The following IMPG1 variants were observed in gnomAD, a reference collection of about 807,000 sequenced individuals.
IMPG1 encodes interphotoreceptor matrix proteoglycan of 150 kDa.
IMPG1 carries 85 observed loss-of-function variants against 92.0 expected under a neutral mutation model. The ratio of observed to expected loss-of-function variants is 0.92; its 90% CI spans 0.78 to 1.11. The LOEUF is 1.11. Among genes scored for constraint, IMPG1 ranks in the 50% least tolerant of loss-of-function variants. IMPG1 has a pLI of 0.00. For synonymous variants in IMPG1, 367 were observed against 334.1 expected (o/e 1.10, Z -1.08); for missense variants, 1,022 against 956.0 (o/e 1.07, Z -0.91).
At chr6:76,030,450 CT>C (rs1162844817) in intron 4 of IMPG1, among the ~76,000 whole-genome samples, 2 of 152,114 alleles carry the variant, frequency 1.3e-5, no homozygotes, top group African/African-American at 2.4e-5. Context: ...TCCTGAACCC[CT>C]GGGAATCCTT....
At chr6:75,947,847 G>T (rs1003580360) in intron 13 of IMPG1, among the ~76,000 whole-genome samples, 3 of 135,586 alleles carry the variant, frequency 2.2e-5, no homozygotes, top group Non-Finnish European at 3.2e-5. Flanking sequence ...GGAATGCCAA[G>T]TTCAGTTATT....
In IMPG1 at chr6:75,966,050, A is replaced by G. The variant is rs1782304409; in HGVS notation, c.1292-14956T>C. On this transcript the variant is annotated intron_variant, in intron 12 of 16. Coordinates refer to ENST00000369950, the MANE Select transcript of IMPG1 (RefSeq NM_001563.4). ...CGTCTAGGATATACGAGACAAAAAT[A>G]AAACTCAGGAAACTCACTATCATGT... Among the ~76,000 whole-genome samples the G allele has an allele frequency of 1.3e-5, 2 of 152,208 alleles. 1 individual carries two copies. Among genetic ancestry groups the G allele is most frequent in the African/African-American group, 4.8e-5 (2 of 41,460 alleles).
chr6:76,021,585 T>G (rs1783425078), intron 6 of IMPG1, among the ~76,000 whole-genome samples: 1 of 151,940 alleles, frequency 6.6e-6, no homozygotes, highest in African/African-American at 2.4e-5. Flanking sequence ...CCTCTTTGCC[T>G]TAGAACACTG....
In IMPG1 at chr6:75,931,010, AG is replaced by A. The variant is rs1162854067; in HGVS notation, c.2185del (p.Leu729SerfsTer45). The A allele has an allele frequency of 6.8e-6, 11 of 1,614,100 alleles. No homozygotes were observed. Among genetic ancestry groups the A allele is most frequent in the Non-Finnish European group, 9.3e-6 (11 of 1,180,046 alleles). On this transcript the variant is annotated frameshift_variant, in exon 15 of 17. Transcript: ENST00000369950. LOFTEE classifies it high-confidence loss of function. ...QGSLDGLEPG[L>X]CGPGTKECEV... is the part of the protein sequence containing the mutation. ...GCATTCCTTTGTGCCAGGGCCACAG[AG>A]GCCTGGTTCCAGACCGTCCAGGCTC...
intron 1 of IMPG1, among the ~76,000 whole-genome samples, chr6:76,057,814 T>A (rs983094608): frequency 1.3e-5 from 2 of 152,112 alleles, no homozygotes; most frequent in East Asian, 1.9e-4. Flanking sequence ...AAAATTGAGA[T>A]CATATTGTTT....
At chr6:75,999,755 A>T (rs750233734) in intron 12 of IMPG1, among the ~76,000 whole-genome samples, 7 of 152,228 alleles carry the variant, frequency 4.6e-5, no homozygotes, top group Non-Finnish European at 5.9e-5. Flanking sequence ...GTCAGCAAAT[A>T]TAACTCTTCT....
At chr6:75,924,470 T>C (rs1442985421) in intron 15 of IMPG1, among the ~76,000 whole-genome samples, 1 of 103,908 alleles carries the variant, frequency 9.6e-6, no homozygotes, top group African/African-American at 3.9e-5. Context: ...ATAATATAAA[T>C]ATAATTATAT....
intron 6 of IMPG1, among the ~76,000 whole-genome samples, chr6:76,019,422 GT>G (rs1378160123): frequency 6.6e-6 from 1 of 152,170 alleles, no homozygotes; most frequent in Non-Finnish European, 1.5e-5. Context: ...AATATCTCTG[GT>G]TACGTACATG....
rs2149482319 is a variant in IMPG1, at chr6:76,018,713, C to T, written c.807+5G>A. On this transcript the variant is annotated splice_donor_5th_base_variant and intron_variant, in intron 7 of 16. Transcript: ENST00000369950. ...GGTGTGGTTGTATGGGCCGGGTCTA[C>T]TCACCTGAAGTTGGGACTTTCCTGC... The T allele has an allele frequency of 6.2e-7, 1 of 1,612,734 alleles. No individual in the cohort carries two copies. Among genetic ancestry groups the T allele is most frequent in the South Asian group, 1.1e-5 (1 of 90,784 alleles).
intron 14 of IMPG1, among the ~76,000 whole-genome samples, chr6:75,937,983 T>C (rs1305643367): frequency 6.6e-6 from 1 of 152,246 alleles, no homozygotes; most frequent in South Asian, 2.1e-4. Flanking sequence ...GCAGCCTAAA[T>C]GAAAGACGAC....
chr6:75,997,829 G>C (rs1782927262), intron 12 of IMPG1, among the ~76,000 whole-genome samples: 1 of 152,208 alleles, frequency 6.6e-6, no homozygotes, highest in African/African-American at 2.4e-5. Flanking sequence ...AGGGATTCCA[G>C]ACATGCATAG....
At chr6:75,992,270 T>C (rs1328255143) in intron 12 of IMPG1, among the ~76,000 whole-genome samples, 4 of 152,220 alleles carry the variant, frequency 2.6e-5, no homozygotes, top group Middle Eastern at 3.2e-3. Flanking sequence ...TCCACAATAA[T>C]ATGAGCCAGC....
chr6:75,992,833 C>G (rs768633845), intron 12 of IMPG1, among the ~76,000 whole-genome samples: 1 of 152,154 alleles, frequency 6.6e-6, no homozygotes, highest in African/African-American at 2.4e-5. Context: ...TTTCTCTTCA[C>G]GAAAGTCCTT....
At chr6:76,011,607 T>G (rs1783185402) in intron 7 of IMPG1, among the ~76,000 whole-genome samples, 2 of 152,106 alleles carry the variant, frequency 1.3e-5, no homozygotes, top group South Asian at 4.1e-4. Context: ...AATTACACTT[T>G]AAGTTTTAGG....
chr6:75,945,525 ATT>A (rs1384182196), intron 14 of IMPG1, among the ~76,000 whole-genome samples: 1 of 151,780 alleles, frequency 6.6e-6, no homozygotes, highest in African/African-American at 2.4e-5. Flanking sequence ...TTATTTTTGT[ATT>A]TTTAGTAGAG....
At chr6:76,071,855 G>A (rs1413850717) in intron 1 of IMPG1, among the ~76,000 whole-genome samples, 2 of 152,034 alleles carry the variant, frequency 1.3e-5, no homozygotes, top group Admixed American at 6.6e-5. Context: ...TTCAGATGCA[G>A]ATTTGCCATA....
At chr6:75,967,462 C>T (rs1040378758) in intron 12 of IMPG1, among the ~76,000 whole-genome samples, 9 of 152,178 alleles carry the variant, frequency 5.9e-5, no homozygotes, top group African/African-American at 1.7e-4. Flanking sequence ...GTCTGTGAGG[C>T]GTGGGTCCTC....
intron 12 of IMPG1, among the ~76,000 whole-genome samples, chr6:75,978,505 G>T (rs1331083082): frequency 6.6e-6 from 1 of 152,104 alleles, no homozygotes; most frequent in Non-Finnish European, 1.5e-5. Flanking sequence ...AGCATCTAAA[G>T]CTCAGAAAAA....
At chr6:76,000,699 A>G in intron 12 of IMPG1, among the ~76,000 whole-genome samples, 1 of 152,168 alleles carries the variant, frequency 6.6e-6, no homozygotes, top group East Asian at 1.9e-4. Flanking sequence ...AAGAGGATGG[A>G]AATGAGACTG....
Sources: gnomAD v4.1 joint callset for allele counts (sites outside exome capture counted in the v4.1 genomes callset) on GRCh38, gnomAD v4.1.1 for gene constraint, MANE v1.5 for transcripts, NCBI Gene and HGNC (gene_info 2026-07-23, HGNC 2026-07-21) for gene names.